Variants in ME3 observed in about 807,000 individuals in gnomAD.
The protein encoded by ME3 is malic enzyme 3.
A neutral mutation model predicts 68.9 loss-of-function variants in ME3; 48 were observed. That is an observed-to-expected ratio of 0.70 (90% CI 0.55 to 0.89). The LOEUF (loss-of-function observed/expected upper bound fraction) is 0.89, where lower values mean the gene tolerates loss of function less well. Ranked by LOEUF, ME3 falls within the 40% of genes least tolerant of loss-of-function variation. The pLI is 0.00. For missense variants in ME3, 675 were observed against 797.4 expected (o/e 0.85, Z 1.85); for synonymous variants, 320 against 318.8 (o/e 1.00, Z -0.04).
At chr11:86,556,615 G>A (rs769320037) in exon 4 of ME3, 6 of 1,614,036 alleles carry the variant, frequency 3.7e-6, no homozygotes, top group East Asian at 2.2e-5. Context: ...GCGTGTACAC[G>A]ATTGGCATGA....
intron 3 of ME3, among the ~76,000 whole-genome samples, chr11:86,558,578 C>T (rs545595230): frequency 2.0e-5 from 3 of 152,232 alleles, no homozygotes; most frequent in Admixed American, 6.5e-5. Context: ...GAGCTCTGCT[C>T]CTAGGGGGAC....
intron 4 of ME3, among the ~76,000 whole-genome samples, chr11:86,528,207 T>C (rs1954918017): frequency 6.6e-6 from 1 of 152,206 alleles, no homozygotes; most frequent in African/African-American, 2.4e-5. Flanking sequence ...GTTGCAATCC[T>C]AATCTCTGAT....
At chr11:86,606,962 C>G (rs1447518909) in intron 2 of ME3, among the ~76,000 whole-genome samples, 1 of 152,130 alleles carries the variant, frequency 6.6e-6, no homozygotes, top group African/African-American at 2.4e-5. Flanking sequence ...TTCCTGAAAA[C>G]CAACAACAAG....
chr11:86,515,858 C>A (rs1953863248), intron 4 of ME3, among the ~76,000 whole-genome samples: 1 of 152,146 alleles, frequency 6.6e-6, no homozygotes, highest in African/African-American at 2.4e-5. Flanking sequence ...TGCTCTGAGG[C>A]ACAATGGGAG....
chr11:86,653,668 A>C lies in ME3; in HGVS notation c.183+18094T>G, dbSNP rs868589945. 3.3e-5 allele frequency among the ~76,000 whole-genome samples: 5 copies of C among 152,366 alleles called. No homozygotes were observed. The South Asian group carries it at 1.0e-3, about 32-fold the overall frequency. The stretch of plus-strand genomic sequence containing the variant: ...AGAAAGATCTACAATTGACACCCTA[A>C]CATCACAATTAAAAGAACTAGAGAA... On this transcript the variant is annotated intron_variant, in intron 2 of 14. Transcript: ENST00000543262.
At chr11:86,561,783 T>C (rs1345073851) in intron 2 of ME3, among the ~76,000 whole-genome samples, 3 of 152,192 alleles carry the variant, frequency 2.0e-5, no homozygotes, top group African/African-American at 7.2e-5. Flanking sequence ...TCTAATAAAC[T>C]CCACTCATTT....
intron 2 of ME3, among the ~76,000 whole-genome samples, chr11:86,599,594 C>A (rs552178036): frequency 6.6e-6 from 1 of 152,262 alleles, no homozygotes; most frequent in East Asian, 1.9e-4. Flanking sequence ...TCAGGAAATA[C>A]AGAGAACACC....
intron 7 of ME3, among the ~76,000 whole-genome samples, chr11:86,468,338 T>TCATCCATC (rs990626833): frequency 2.0e-5 from 3 of 152,060 alleles, no homozygotes; most frequent in Non-Finnish European, 4.4e-5. Flanking sequence ...CAACCATCCA[T>TCATCCATC]CATCCATCCA....
intron 2 of ME3, among the ~76,000 whole-genome samples, chr11:86,662,953 T>C (rs971647146): frequency 6.6e-6 from 1 of 152,138 alleles, no homozygotes; most frequent in Non-Finnish European, 1.5e-5. Context: ...TCAGAAGCTA[T>C]GCCAATTTAT....
Position 86,593,190 on chromosome 11 carries a change from C to CTATAAGAAGCAA in ME3, c.184-33368_184-33367insTTGCTTCTTATA, listed in dbSNP as rs1260644411. On this transcript the variant is annotated intron_variant, in intron 2 of 14. Transcript: ENST00000543262. ...AATGTGGAAGACCCATGATTTCCTC[C>CTATAAGAAGCAA]ACCCTCCTTCACTCACATAGTAAAA... is the stretch of plus-strand genomic sequence containing the variant. 2.7e-3 allele frequency among the ~76,000 whole-genome samples: 314 copies of CTATAAGAAGCAA among 118,472 alleles called. 7 individuals carry two copies. Among genetic ancestry groups the CTATAAGAAGCAA allele is most frequent in the East Asian group, 0.012 (25 of 2,046 alleles). 77.7% of individuals were successfully genotyped at this position (118,472 alleles called of 152,430 possible).
intron 5 of ME3, among the ~76,000 whole-genome samples, chr11:86,498,601 T>G (rs1421187829): frequency 2.0e-5 from 3 of 152,218 alleles, no homozygotes; most frequent in African/African-American, 7.2e-5. Flanking sequence ...AAATCCGATC[T>G]GCAAAGAACA....
At chr11:86,600,675 A>C (rs1227116762) in intron 2 of ME3, among the ~76,000 whole-genome samples, 1 of 152,036 alleles carries the variant, frequency 6.6e-6, no homozygotes, top group Non-Finnish European at 1.5e-5. Flanking sequence ...CACCACACCT[A>C]TTCCAAAATT....
chr11:86,553,225 C>T (rs555148564), intron 4 of ME3, among the ~76,000 whole-genome samples: 14 of 152,316 alleles, frequency 9.2e-5, no homozygotes, highest in East Asian at 3.9e-4. Flanking sequence ...ACTCTTTCCC[C>T]GGTAATGAGG....
chr11:86,435,470 G>T, the ME3 span: 3 of 152,332 alleles, frequency 2.0e-5, no homozygotes, highest in Non-Finnish European at 4.4e-5. Flanking sequence ...TACTGATTCT[G>T]GACATGGACT....
At chr11:86,541,888 C>G (rs538866601) in intron 4 of ME3, among the ~76,000 whole-genome samples, 1 of 152,328 alleles carries the variant, frequency 6.6e-6, no homozygotes, top group Non-Finnish European at 1.5e-5. Flanking sequence ...TCAACAGATA[C>G]CTCATACAGG....
chr11:86,583,147 T>C (rs190735571), intron 2 of ME3, among the ~76,000 whole-genome samples: 28 of 152,312 alleles, frequency 1.8e-4, no homozygotes, highest in Admixed American at 9.2e-4. Context: ...CCACCCTGTT[T>C]ACTCAGCCTA....
chr11:86,530,740 A>C (rs375270584), intron 4 of ME3, among the ~76,000 whole-genome samples: 27 of 152,274 alleles, frequency 1.8e-4, no homozygotes, highest in Middle Eastern at 3.4e-3. Flanking sequence ...CAAAAACAAG[A>C]AATGGGGAAA....
chr11:86,653,202 C>G (rs618843), intron 2 of ME3, among the ~76,000 whole-genome samples: 1 of 151,888 alleles, frequency 6.6e-6, no homozygotes, highest in Non-Finnish European at 1.5e-5. Flanking sequence ...AGAAAGTTAA[C>G]AAGGATACCC....
intron 4 of ME3, among the ~76,000 whole-genome samples, chr11:86,541,988 C>G (rs555013703): frequency 2.6e-5 from 4 of 152,318 alleles, no homozygotes; most frequent in African/African-American, 9.6e-5. Flanking sequence ...TCTGCAGCCT[C>G]CGCTGGTGAT....
Sources: gnomAD v4.1 joint callset for allele counts (sites outside exome capture counted in the v4.1 genomes callset) on GRCh38, gnomAD v4.1.1 for gene constraint, MANE v1.5 for transcripts, NCBI Gene and HGNC (gene_info 2026-07-23, HGNC 2026-07-21) for gene names.